SAMSN1: variants seen among roughly 807,000 people sequenced by gnomAD.
SAMSN1 encodes the protein SAM domain-containing protein SAMSN-1.
A neutral mutation model predicts 42.0 loss-of-function variants in SAMSN1; 31 were observed. That is an observed-to-expected ratio of 0.74 (90% CI 0.55 to 1.00). The LOEUF (loss-of-function observed/expected upper bound fraction) is 1.00. Among genes scored for constraint, SAMSN1 ranks in the 50% least tolerant of loss-of-function variants. The pLI is 0.00. For synonymous variants in SAMSN1, 178 were observed against 151.9 expected (o/e 1.17, Z -1.26); for missense variants, 464 against 439.4 (o/e 1.06, Z -0.50).
chr21:14,550,088 C>G (rs1435753418), upstream of SAMSN1, among the ~76,000 whole-genome samples: 1 of 152,036 alleles, frequency 6.6e-6, no homozygotes, highest in Non-Finnish European at 1.5e-5. Flanking sequence ...CTAGCTTATT[C>G]TTACCATAGG....
At chr21:14,612,292 T>C (rs972957519) in intron 4 of SAMSN1, among the ~76,000 whole-genome samples, 21 of 152,212 alleles carry the variant, frequency 1.4e-4, no homozygotes, top group Admixed American at 6.5e-5. Context: ...ACATTGTGAA[T>C]GTTTTATAAT....
At chr21:14,602,087 T>A (rs767502961) in exon 6 of SAMSN1, 25 of 682,642 alleles carry the variant, frequency 3.7e-5, no homozygotes, top group South Asian at 3.6e-4. Context: ...TAGAAAATCA[T>A]CTTCATTTAG....
intron 7 of SAMSN1, among the ~76,000 whole-genome samples, chr21:14,491,806 G>T (rs1986699247): frequency 6.6e-6 from 1 of 152,110 alleles, no homozygotes; most frequent in African/African-American, 2.4e-5. Context: ...AAAAGCCTAA[G>T]AGGGTAGAGA....
At chr21:14,605,525 G>A (rs1248382113) in intron 5 of SAMSN1, among the ~76,000 whole-genome samples, 2 of 152,166 alleles carry the variant, frequency 1.3e-5, no homozygotes, top group African/African-American at 4.8e-5. Flanking sequence ...GAATATATTT[G>A]TGAATTTATA....
At chr21:14,554,240 C>A (rs899693381) in intron 2 of SAMSN1, among the ~76,000 whole-genome samples, 1 of 152,096 alleles carries the variant, frequency 6.6e-6, no homozygotes, top group Non-Finnish European at 1.5e-5. Flanking sequence ...AACCACACTG[C>A]CTAGGTTCAA....
chr21:14,642,803 C>T (rs1438882789), intron 2 of SAMSN1, among the ~76,000 whole-genome samples: 1 of 151,902 alleles, frequency 6.6e-6, no homozygotes, highest in Non-Finnish European at 1.5e-5. Context: ...ATCTAGTGCA[C>T]ATTCAATAAA....
intron 2 of SAMSN1, among the ~76,000 whole-genome samples, chr21:14,627,804 T>TAA: frequency 6.6e-6 from 1 of 152,210 alleles, no homozygotes; most frequent in East Asian, 1.9e-4. Context: ...TCTCAGGGCA[T>TAA]AATTAATAGA....
At chr21:14,592,625 C>T in intron 7 of SAMSN1, 1 of 380,452 alleles carries the variant, frequency 2.6e-6, no homozygotes, top group African/African-American at 2.1e-5. Flanking sequence ...TGTTACTTTA[C>T]ATAAATTCTT....
chr21:14,568,830 T>C (rs1176335077), intron 2 of SAMSN1, among the ~76,000 whole-genome samples: 2 of 152,184 alleles, frequency 1.3e-5, no homozygotes, highest in Admixed American at 1.3e-4. Flanking sequence ...AATTCCTTCA[T>C]GTAAATAAAT....
chr21:14,646,834 T>C (rs1409858153), intron 1 of SAMSN1, among the ~76,000 whole-genome samples: 2 of 152,208 alleles, frequency 1.3e-5, no homozygotes, highest in East Asian at 3.8e-4. Context: ...GTGCAAATAG[T>C]GTTAAGTTGT....
chr21:14,489,205 G>GGTTC (rs1568760246), intron 7 of SAMSN1, among the ~76,000 whole-genome samples: 1 of 152,108 alleles, frequency 6.6e-6, no homozygotes, highest in African/African-American at 2.4e-5. Flanking sequence ...TTTGTCCCAT[G>GGTTC]GTTCAATCAT....
chr21:14,655,089 T>C (rs973074811), intron 1 of SAMSN1, among the ~76,000 whole-genome samples: 3 of 151,774 alleles, frequency 2.0e-5, no homozygotes, highest in African/African-American at 4.8e-5. Context: ...ATTAAAGAAA[T>C]AATTTATGAT....
chr21:14,578,072 T>C (rs894411982), intron 2 of SAMSN1, among the ~76,000 whole-genome samples: 1 of 152,200 alleles, frequency 6.6e-6, no homozygotes, highest in Non-Finnish European at 1.5e-5. Flanking sequence ...GACCTCTGGG[T>C]GCTTTGATTT....
intron 2 of SAMSN1, among the ~76,000 whole-genome samples, chr21:14,632,820 T>C (rs752197232): frequency 2.2e-4 from 34 of 152,190 alleles, no homozygotes; most frequent in Non-Finnish European, 4.9e-4. Flanking sequence ...GTTGGCAGCA[T>C]TCAATTTCCT....
intron 3 of SAMSN1, among the ~76,000 whole-genome samples, chr21:14,613,638 A>G (rs1182318388): frequency 6.6e-6 from 1 of 152,114 alleles, no homozygotes; most frequent in Non-Finnish European, 1.5e-5. Flanking sequence ...TCATTTTTTA[A>G]TGCAAAATGG....
intron 2 of SAMSN1, among the ~76,000 whole-genome samples, chr21:14,520,155 A>G (rs1039056320): frequency 5.9e-5 from 9 of 152,206 alleles, no homozygotes; most frequent in Admixed American, 2.6e-4. Context: ...ATTATTACGT[A>G]AACTTTATTT....
chr21:14,526,119 T>TG (rs1978839747), intron 1 of SAMSN1, among the ~76,000 whole-genome samples: 1 of 152,146 alleles, frequency 6.6e-6, no homozygotes, highest in African/African-American at 2.4e-5. Flanking sequence ...TCGCCCGCCT[T>TG]GGCCTCCCAA....
intron 2 of SAMSN1, among the ~76,000 whole-genome samples, chr21:14,572,620 T>C (rs114205514): frequency 6.6e-6 from 1 of 152,322 alleles, no homozygotes; most frequent in African/African-American, 2.4e-5. Context: ...AAAATGGCAG[T>C]AATGCTTTGC....
rs1163112741 is a variant in SAMSN1, at chr21:14,485,900, G to T, written c.*12C>A. The T allele has an allele frequency of 8.7e-6, 14 of 1,605,048 alleles. No individual in the cohort carries two copies. The highest frequency in any genetic ancestry group is 1.1e-5 in the Non-Finnish European group (13 of 1,172,346). On this transcript the variant is annotated 3_prime_UTR_variant, in exon 8 of 8. Coordinates refer to ENST00000400566, the MANE Select transcript of SAMSN1 (RefSeq NM_022136.5). ...GGAATGCATCTGTAGATATATAGTT[G>T]GGAATGCGTGTTCAGTCACTTGGCT...
Sources: allele counts gnomAD v4.1 joint callset (sites outside exome capture counted in the v4.1 genomes callset), GRCh38; gene constraint gnomAD v4.1.1; transcripts MANE v1.5; gene names NCBI Gene and HGNC (gene_info 2026-07-23, HGNC 2026-07-21).